THSD7B: variants seen among roughly 807,000 people sequenced by gnomAD.
The protein encoded by THSD7B is thrombospondin type 1 domain containing 7B, also known as thrombospondin type-1 domain-containing protein 7B.
In THSD7B, 138 loss-of-function variants were observed where a neutral mutation model predicts 213.6. The ratio of observed to expected loss-of-function variants is 0.65; its 90% CI spans 0.56 to 0.74. THSD7B has a LOEUF of 0.74. THSD7B is among the 30% of genes least tolerant of loss of function. THSD7B has a pLI of 0.00. For synonymous variants in THSD7B, 742 were observed against 687.0 expected (o/e 1.08, Z -1.25); for missense variants, 1,931 against 1,991.5 (o/e 0.97, Z 0.58).
At chr2:137,004,293 A>G (rs1686060177) in intron 2 of THSD7B, among the ~76,000 whole-genome samples, 2 of 124,172 alleles carry the variant, frequency 1.6e-5, no homozygotes, top group Admixed American at 9.1e-5. Flanking sequence ...GTGTGTGCAC[A>G]CGTACACACA....
chr2:136,860,180 A>G (rs1203830010), intron 1 of THSD7B, among the ~76,000 whole-genome samples: 2 of 151,738 alleles, frequency 1.3e-5, no homozygotes, highest in East Asian at 1.9e-4. Context: ...GGAGTTGAGG[A>G]TGGTATCTTA....
intron 16 of THSD7B, among the ~76,000 whole-genome samples, chr2:137,571,870 G>A (rs570576757): frequency 1.8e-4 from 28 of 152,106 alleles, no homozygotes; most frequent in African/African-American, 6.3e-4. Flanking sequence ...TTACCTGAAA[G>A]AATACCTATT....
chr2:137,202,081 A>T (rs1417216264), intron 7 of THSD7B, among the ~76,000 whole-genome samples: 3 of 152,008 alleles, frequency 2.0e-5, no homozygotes, highest in Non-Finnish European at 4.4e-5. Flanking sequence ...TCACATTCAG[A>T]ACGCTGTCTT....
intron 18 of THSD7B, among the ~76,000 whole-genome samples, 183 bp downstream of exon 18, chr2:137,616,499 T>G (rs952326503): frequency 1.3e-5 from 2 of 152,156 alleles, no homozygotes; most frequent in Non-Finnish European, 2.9e-5. Flanking sequence ...ACTCTTGGCA[T>G]GTAGAATCAG....
chr2:137,350,381 C>T (rs539398717), intron 12 of THSD7B, among the ~76,000 whole-genome samples: 3 of 151,624 alleles, frequency 2.0e-5, no homozygotes, highest in South Asian at 2.1e-4. Context: ...TGTGTAAATC[C>T]GTGTGTAAGG....
chr2:137,169,919 T>A (rs988905234), intron 6 of THSD7B, among the ~76,000 whole-genome samples: 3 of 152,134 alleles, frequency 2.0e-5, no homozygotes, highest in Non-Finnish European at 4.4e-5. Flanking sequence ...TAACAGAGGG[T>A]TCATGATCTC....
At chr2:137,463,511 C>T (rs555993664) in intron 15 of THSD7B, among the ~76,000 whole-genome samples, 51 of 152,040 alleles carry the variant, frequency 3.4e-4, no homozygotes, top group African/African-American at 1.2e-3. Flanking sequence ...TTCCATCACT[C>T]CCCCCATTTA....
At position 137,548,297 on chromosome 2, in the gene THSD7B, G is replaced by A. The variant is rs75842566; in HGVS notation, c.3139-14924G>A. The stretch of plus-strand genomic sequence containing the variant: ...TTTTAAATGATCCCAAAAAGTAGCA[G>A]TGATGTTTCAACTGTCTCTTTCATT... On this transcript the variant is annotated intron_variant, in intron 15 of 27. Transcript: ENST00000409968. Among the ~76,000 whole-genome samples, 35 of 152,084 alleles carry A rather than the reference G, an allele frequency of 2.3e-4. 1 individual carries two copies. Among genetic ancestry groups the A allele is most frequent in the African/African-American group, 7.0e-4 (29 of 41,528 alleles).
chr2:136,800,640 G>A (rs947350145), intron 1 of THSD7B, among the ~76,000 whole-genome samples: 4 of 152,000 alleles, frequency 2.6e-5, no homozygotes, highest in African/African-American at 9.7e-5. Flanking sequence ...GAAATAAAAT[G>A]TTTGCAAGAT....
intron 15 of THSD7B, among the ~76,000 whole-genome samples, chr2:137,525,604 G>C (rs1233394208): frequency 1.3e-5 from 2 of 152,060 alleles, no homozygotes; most frequent in African/African-American, 4.8e-5. Context: ...TATGTTGATC[G>C]ATGTGAGCCA....
At chr2:137,316,757 C>CAAA in intron 12 of THSD7B, among the ~76,000 whole-genome samples, 1 of 21,810 alleles carries the variant, frequency 4.6e-5, no homozygotes, top group Non-Finnish European at 9.5e-5. Flanking sequence ...GACTCTGTCT[C>CAAA]AAAAAAAAAA....
intron 14 of THSD7B, among the ~76,000 whole-genome samples, chr2:137,433,752 A>C (rs1032419357): frequency 6.1e-5 from 2 of 32,994 alleles, no homozygotes; most frequent in African/African-American, 9.4e-5. Flanking sequence ...ACATTAAAAT[A>C]AATAAAATGT....
intron 3 of THSD7B, among the ~76,000 whole-genome samples, chr2:137,063,057 C>A (rs907304992): frequency 2.6e-5 from 4 of 151,644 alleles, no homozygotes; most frequent in African/African-American, 7.3e-5. Flanking sequence ...TAATGCCCAC[C>A]CCCACCTTAA....
At chr2:137,294,583 CAAAAAAA>C (rs1210363889) in intron 12 of THSD7B, among the ~76,000 whole-genome samples, 1 of 73,246 alleles carries the variant, frequency 1.4e-5, no homozygotes, top group Non-Finnish European at 2.8e-5. Flanking sequence ...AACTCCATCT[CAAAAAAA>C]AAAAAAAAAA....
At chr2:136,974,126 T>C (rs1297564007) in intron 2 of THSD7B, among the ~76,000 whole-genome samples, 2 of 152,212 alleles carry the variant, frequency 1.3e-5, no homozygotes, top group African/African-American at 2.4e-5. Context: ...GTTACCTCTA[T>C]AATATTTTAG....
At chr2:137,635,324 TG>T (rs1682813482) in intron 20 of THSD7B, among the ~76,000 whole-genome samples, 1 of 152,182 alleles carries the variant, frequency 6.6e-6, no homozygotes, top group Non-Finnish European at 1.5e-5. Context: ...TGATACCTAT[TG>T]TCATGTCTCA....
In THSD7B at chr2:136,880,560, G is replaced by A. The variant is rs981417700; in HGVS notation, c.-35-1584G>A. 8.5e-5 allele frequency among the ~76,000 whole-genome samples: 13 copies of A among 152,218 alleles called. No homozygotes were observed. In the South Asian group the frequency reaches 2.7e-3, roughly 32 times the overall value. ...TCTATTCTATTCTAAAGTAAAGCATGTTCTCAAATGTGCCCCTCTTCCTGT... is the reference window on the plus strand; with the variant it reads ...TCTATTCTATTCTAAAGTAAAGCATATTCTCAAATGTGCCCCTCTTCCTGT... On this transcript the variant is annotated intron_variant, in intron 1 of 27. Coordinates refer to ENST00000409968, the MANE Select transcript of THSD7B (RefSeq NM_001316349.2).
At chr2:137,620,547 G>A in intron 19 of THSD7B, 62 bp from the exon 20 acceptor site, 1 of 1,294,540 alleles carries the variant, frequency 7.7e-7, no homozygotes, top group South Asian at 1.2e-5. Flanking sequence ...TCCCATGAAA[G>A]GACAGTGATT....
At chr2:137,132,847 A>G (rs548015920) in intron 5 of THSD7B, among the ~76,000 whole-genome samples, 8 of 152,296 alleles carry the variant, frequency 5.3e-5, no homozygotes, top group East Asian at 1.9e-4. Context: ...GTTAATGTCT[A>G]TCCATTTCTC....
Sources: allele counts gnomAD v4.1 joint callset (sites outside exome capture counted in the v4.1 genomes callset), GRCh38; gene constraint gnomAD v4.1.1; transcripts MANE v1.5; gene names NCBI Gene and HGNC (gene_info 2026-07-23, HGNC 2026-07-21).